PROSER2: variants seen among roughly 807,000 people sequenced by gnomAD.
PROSER2 encodes proline and serine rich 2, also known as proline and serine-rich protein 2.
Under a neutral mutation model 14.6 loss-of-function variants are expected in PROSER2, and 18 were observed. The ratio of observed to expected loss-of-function variants is 1.23; its 90% confidence interval spans 0.85 to 1.83. PROSER2 has a LOEUF of 1.83. PROSER2 is among the 40% of genes most tolerant of loss of function. PROSER2 has a pLI of 0.00. For missense variants in PROSER2, 823 were observed against 629.8 expected (o/e 1.31, Z -3.28); for synonymous variants, 367 against 286.4 (o/e 1.28, Z -2.84).
Position 11,869,223 on chromosome 10 carries a change from A to T in PROSER2, c.392-267A>T. ...TCAGGGGCTGGAGCCTCAGCAGCCC[A>T]CATGGACGGAATGTCTCCTAGGTGT... is the stretch of plus-strand genomic sequence containing the variant. On this transcript the variant is annotated intron_variant, in intron 3 of 3. Transcript: ENST00000277570. This position sits in a 1 kb window ranked among gnomAD's most constrained non-coding sequence, Gnocchi z 4.4. 1 of 542,642 alleles carries T rather than the reference A, an allele frequency of 1.8e-6. No individual in the cohort carries two copies. The highest frequency in any genetic ancestry group is 2.2e-5 in the South Asian group (1 of 46,346). 33.6% of individuals were successfully genotyped at this position (542,642 alleles called of 1,614,324 possible).
chr10:11,856,457 G>A lies in PROSER2; in HGVS notation c.138+4242G>A, dbSNP rs570329217. ...TAGGATTTGGCTGCTCGGAAAGGGC[G>A]GAGAGCTCTGCACTCGCATGGTTCT... is the stretch of plus-strand genomic sequence containing the variant. On this transcript the variant is annotated intron_variant, in intron 2 of 3. Coordinates refer to ENST00000277570, the MANE Select transcript of PROSER2 (RefSeq NM_153256.4). This position sits in a 1 kb window ranked among gnomAD's most constrained non-coding sequence, Gnocchi z 5.3. 2.6e-5 allele frequency among the ~76,000 whole-genome samples: 4 copies of A among 152,208 alleles called. No individual in the cohort carries two copies. The highest frequency in any genetic ancestry group is 5.9e-5 in the Non-Finnish European group (4 of 68,032).
chr10:11,870,261 A>G lies in PROSER2; in HGVS notation c.1163A>G (p.Gln388Arg). The G allele has an allele frequency of 6.7e-7, 1 of 1,487,462 alleles. No individual in the cohort carries two copies. Among genetic ancestry groups the G allele is most frequent in the Non-Finnish European group, 8.9e-7 (1 of 1,126,536 alleles). The allele number at this position is 1,487,462 out of a possible 1,614,324, so 92.1% of individuals were successfully genotyped here. A position where few individuals can be genotyped will look rare whatever the true frequency, so the allele number is the denominator to read the frequency against. ...CGTCAGAGCTTCCCCGGGCCCCGGC[A>G]GCCCAACGGCGCCCAGGACTGGCGC... ...RARQSFPGPR[Q>R]PNGAQDWRRA... Residue 388 changes from glutamine (Q) to arginine (R), a missense_variant, in exon 4 of 4, where the codon CAG becomes CGG. Coordinates refer to ENST00000277570, the MANE Select transcript of PROSER2 (RefSeq NM_153256.4).
Position 11,859,482 on chromosome 10 carries a change from C to T in PROSER2, c.139-7049C>T, listed in dbSNP as rs768340310. Among the ~76,000 whole-genome samples the T allele has an allele frequency of 3.9e-4, 59 of 152,160 alleles. 1 individual carries two copies. The highest frequency in any genetic ancestry group is 7.2e-4 in the Admixed American group (11 of 15,270). Reference sequence around the variant, plus strand: ...GGGAATTTACTTTTCTGCTGTCCGCCTTCTTCTACCTTTCTAACTAATAGG... The same window carrying T: ...GGGAATTTACTTTTCTGCTGTCCGCTTTCTTCTACCTTTCTAACTAATAGG... On this transcript the variant is annotated intron_variant, in intron 2 of 3. Transcript: ENST00000277570.
chr10:11,863,813 C>T (rs1403888269), intron 2 of PROSER2, among the ~76,000 whole-genome samples: 1 of 151,012 alleles, frequency 6.6e-6, no homozygotes, highest in Non-Finnish European at 1.5e-5. Context: ...GTGTATGTTG[C>T]TGTGCACAGA....
At position 11,871,108 on chromosome 10, in the gene PROSER2, G is replaced by T. The variant is rs1834481395; in HGVS notation, c.*702G>T. Reference sequence around the variant, plus strand: ...TGTGCGTGAGCCTGTGTTTGTGTGTGTATGTTTTTAGATACGTACGTGTCA... The same window carrying T: ...TGTGCGTGAGCCTGTGTTTGTGTGTTTATGTTTTTAGATACGTACGTGTCA... On this transcript the variant is annotated 3_prime_UTR_variant, in exon 4 of 4. Coordinates refer to ENST00000277570, the MANE Select transcript of PROSER2 (RefSeq NM_153256.4). 1 of 152,196 alleles carries T rather than the reference G, an allele frequency of 6.6e-6. No individual in the cohort carries two copies. Among genetic ancestry groups the T allele is most frequent in the Non-Finnish European group, 1.5e-5 (1 of 68,056 alleles). 9.4% of individuals were successfully genotyped at this position (152,196 alleles called of 1,614,324 possible).
intron 1 of PROSER2, among the ~76,000 whole-genome samples, chr10:11,846,954 G>C (rs943855765): frequency 6.6e-6 from 1 of 151,784 alleles, no homozygotes; most frequent in African/African-American, 2.4e-5. Flanking sequence ...GCATCTCTAT[G>C]TTGCCCGGGC....
At chr10:11,843,846 C>T (rs1216624559) in intron 1 of PROSER2, among the ~76,000 whole-genome samples, 1 of 151,124 alleles carries the variant, frequency 6.6e-6, no homozygotes, top group Non-Finnish European at 1.5e-5. Context: ...AGTGAAACTC[C>T]ATCTCAAAAA....
At chr10:11,835,259 G>A (rs1170782801) in intron 1 of PROSER2, among the ~76,000 whole-genome samples, 1 of 152,314 alleles carries the variant, frequency 6.6e-6, no homozygotes, top group East Asian at 1.9e-4. Context: ...TCTGCCTGAA[G>A]TTGGCTCTGT....
At position 11,852,055 on chromosome 10, in the gene PROSER2, C is replaced by A. The variant is rs543456463; in HGVS notation, c.-23C>A. 1.3e-6 allele frequency: 2 copies of A among 1,586,012 alleles called. No individual in the cohort carries two copies. The highest frequency in any genetic ancestry group is 1.3e-5 in the African/African-American group (1 of 74,234). ...TCCTGCCCTGCTTCCTGTGATCGAGCCGGCCCTGAGGACTCTGTGGAGATG... is the reference window on the plus strand; with the variant it reads ...TCCTGCCCTGCTTCCTGTGATCGAGACGGCCCTGAGGACTCTGTGGAGATG... On this transcript the variant is annotated 5_prime_UTR_variant, in exon 2 of 4. Coordinates refer to ENST00000277570, the MANE Select transcript of PROSER2 (RefSeq NM_153256.4).
intron 1 of PROSER2, among the ~76,000 whole-genome samples, chr10:11,824,080 A>C (rs1047054243): frequency 6.6e-6 from 1 of 152,232 alleles, no homozygotes; most frequent in Non-Finnish European, 1.5e-5. Context: ...AGGCTTTGAA[A>C]GTTTCCCAGT....
At chr10:11,868,466 C>G (rs1834397132) in intron 3 of PROSER2, among the ~76,000 whole-genome samples, 1 of 151,884 alleles carries the variant, frequency 6.6e-6, no homozygotes, top group South Asian at 2.1e-4. Context: ...GTGATGGGGT[C>G]TCACTATGCA....
rs867715588 is a variant in PROSER2 at position 11,869,832 on chromosome 10, C to T, written c.734C>T (p.Pro245Leu). The change falls in exon 4 of 4, where the codon CCG (proline) becomes CTG (leucine). Residue 245 changes from proline (P) to leucine (L), a missense_variant. Pro to Leu is a moderately conservative substitution (Grantham distance 98). Transcript: ENST00000277570. The surrounding 1 kb of genome is among the most constrained non-coding windows in gnomAD (Gnocchi z 4.4). ...SGDPGPGPSH[P>L]AQPKAPRFPS... ...GACCCTGGCCCGGGGCCCAGCCACC[C>T]GGCGCAGCCCAAGGCACCCCGCTTC... 4.4e-6 allele frequency: 7 copies of T among 1,575,402 alleles called. No individual in the cohort carries two copies. The highest frequency in any genetic ancestry group is 1.4e-5 in the African/African-American group (1 of 73,842).
chr10:11,841,572 T>G (rs1359680112), intron 1 of PROSER2, among the ~76,000 whole-genome samples: 1 of 152,210 alleles, frequency 6.6e-6, no homozygotes, highest in Non-Finnish European at 1.5e-5. Context: ...TCCCACAGGT[T>G]TCGATAGGTA....
chr10:11,833,731 G>A (rs745431657), intron 1 of PROSER2, among the ~76,000 whole-genome samples: 12 of 152,092 alleles, frequency 7.9e-5, no homozygotes, highest in African/African-American at 2.4e-4. Context: ...GGAGTTTATC[G>A]TCTAATGGAG....
intron 1 of PROSER2, among the ~76,000 whole-genome samples, chr10:11,845,674 C>T (rs1489148237): frequency 3.3e-5 from 5 of 151,866 alleles, no homozygotes; most frequent in Admixed American, 2.0e-4. Context: ...CTGTGGAACC[C>T]GGGGAGGGAG....
At chr10:11,832,573 T>C (rs1833702199) in intron 1 of PROSER2, among the ~76,000 whole-genome samples, 1 of 152,192 alleles carries the variant, frequency 6.6e-6, no homozygotes, top group Non-Finnish European at 1.5e-5. Context: ...TACATCGTTA[T>C]TTATGAAGCT....
chr10:11,836,733 GCT>G lies in PROSER2; in HGVS notation c.-82+13264_-82+13265del, dbSNP rs1833765955. Among the ~76,000 whole-genome samples the G allele has an allele frequency of 1.3e-5, 2 of 152,102 alleles. No individual in the cohort carries two copies. Among genetic ancestry groups the G allele is most frequent in the Admixed American group, 1.3e-4 (2 of 15,270 alleles). Reference sequence around the variant, plus strand: ...TCTACCTCTTTCCCAGCTCAACTGTGCTTGTCTTGACTGTATCTTAAAAGTGC... The same window carrying G: ...TCTACCTCTTTCCCAGCTCAACTGTGTGTCTTGACTGTATCTTAAAAGTGC... On this transcript the variant is annotated intron_variant, in intron 1 of 3. Transcript: ENST00000277570. This position sits in a 1 kb window ranked among gnomAD's most constrained non-coding sequence, Gnocchi z 4.6.
chr10:11,852,684 ATTTTTTTT>A (rs33939695), intron 2 of PROSER2, among the ~76,000 whole-genome samples: 5 of 98,024 alleles, frequency 5.1e-5, no homozygotes, highest in African/African-American at 2.1e-4. Context: ...ACACCCGGCT[ATTTTTTTT>A]TTTTTTTTTT....
chr10:11,833,489 G>A (rs753664466), intron 1 of PROSER2, among the ~76,000 whole-genome samples: 45 of 151,918 alleles, frequency 3.0e-4, no homozygotes, highest in African/African-American at 9.9e-4. Context: ...TCAGGAGTTC[G>A]AGACCAGCCT....
Sources: gnomAD v4.1 joint callset for allele counts (sites outside exome capture counted in the v4.1 genomes callset) on GRCh38, gnomAD v4.1.1 for gene constraint, Gnocchi (gnomAD v3.1) non-coding constraint, MANE v1.5 for transcripts, NCBI Gene and HGNC (gene_info 2026-07-23, HGNC 2026-07-21) for gene names.